The following PPP3R1 variants were observed in gnomAD, a reference collection of about 807,000 sequenced individuals.
PPP3R1 encodes protein phosphatase 3 regulatory subunit B, alpha.
Under a neutral mutation model 22.6 loss-of-function variants are expected in PPP3R1, and 5 were observed. The observed-to-expected ratio is 0.22, with a 90% CI of 0.12 to 0.46. The LOEUF is 0.46. PPP3R1 is among the 20% of genes least tolerant of loss of function. The pLI is 0.99. For synonymous variants in PPP3R1, 56 were observed against 65.2 expected (o/e 0.86, Z 0.68); for missense variants, 61 against 203.2 (o/e 0.30, Z 4.25).
intron 2 of PPP3R1, among the ~76,000 whole-genome samples, chr2:68,191,361 TGTATCTGAAC>T (rs1343450368): frequency 6.6e-6 from 1 of 152,206 alleles, no homozygotes; most frequent in Admixed American, 6.5e-5. Flanking sequence ...TAAATATCTG[TGTATCTGAAC>T]ATATCTAAAC....
chr2:68,243,850 A>C (rs1266089289), intron 1 of PPP3R1, among the ~76,000 whole-genome samples: 3 of 152,104 alleles, frequency 2.0e-5, no homozygotes, highest in African/African-American at 4.8e-5. Context: ...TTTTACGATC[A>C]ATCTTTTTAA....
chr2:68,232,829 A>T (rs1426948437), intron 1 of PPP3R1, among the ~76,000 whole-genome samples: 3 of 152,122 alleles, frequency 2.0e-5, no homozygotes. Context: ...CTGGTCTCCA[A>T]CACTTGATCT....
chr2:68,252,508 G>C lies in PPP3R1; in HGVS notation c.-381C>G. 3 of 961,676 alleles carry C rather than the reference G, an allele frequency of 3.1e-6. No individual in the cohort carries two copies. Among genetic ancestry groups the C allele is most frequent in the Non-Finnish European group, 2.4e-6 (2 of 824,630 alleles). The allele number at this position is 961,676 out of a possible 1,614,324, so 59.6% of individuals were successfully genotyped here. A position where few individuals can be genotyped will look rare whatever the true frequency, so the allele number is the denominator to read the frequency against. On this transcript the variant is annotated 5_prime_UTR_variant, in exon 1 of 6. Transcript: ENST00000234310. ...CGTGACGGACTCACTGCAGCGGCTC[G>C]CGCTGACCCGCAACCTCAAGGCACG...
intron 2 of PPP3R1, among the ~76,000 whole-genome samples, chr2:68,206,417 G>A (rs1675126177): frequency 6.6e-6 from 1 of 151,924 alleles, no homozygotes; most frequent in African/African-American, 2.4e-5. Flanking sequence ...GAGGGGGGAG[G>A]CCAACACTTA....
intron 1 of PPP3R1, among the ~76,000 whole-genome samples, chr2:68,220,086 T>C (rs1481093160): frequency 1.3e-5 from 2 of 152,174 alleles, no homozygotes; most frequent in Non-Finnish European, 2.9e-5. Flanking sequence ...TTTTCTGTGA[T>C]CATCTATATA....
chr2:68,237,819 C>T (rs1670045979), intron 1 of PPP3R1, among the ~76,000 whole-genome samples: 1 of 152,020 alleles, frequency 6.6e-6, no homozygotes, highest in South Asian at 2.1e-4. Context: ...TAGACTTGCA[C>T]TAACACTTTA....
chr2:68,192,031 G>A (rs1439561796), intron 2 of PPP3R1, among the ~76,000 whole-genome samples: 2 of 152,020 alleles, frequency 1.3e-5, no homozygotes, highest in African/African-American at 4.8e-5. Context: ...CTTAATTATG[G>A]TTTTAATAAT....
At chr2:68,188,777 A>T (rs938044139) in intron 2 of PPP3R1, 87 bp from the exon 3 acceptor site, 10 of 1,239,918 alleles carry the variant, frequency 8.1e-6, no homozygotes, top group East Asian at 5.2e-5. Flanking sequence ...TTTAAAAAAA[A>T]TTTTAATAGT....
intron 2 of PPP3R1, among the ~76,000 whole-genome samples, chr2:68,192,672 G>A (rs1438445433): frequency 6.6e-6 from 1 of 152,086 alleles, no homozygotes; most frequent in Non-Finnish European, 1.5e-5. Flanking sequence ...ATAAATATAT[G>A]TGGTTCAATC....
At chr2:68,246,188 C>T (rs767537565) in intron 1 of PPP3R1, among the ~76,000 whole-genome samples, 1 of 149,790 alleles carries the variant, frequency 6.7e-6, no homozygotes, top group Non-Finnish European at 1.5e-5. Flanking sequence ...GATTCTCCTG[C>T]CTCAGCCTCC....
intron 2 of PPP3R1, among the ~76,000 whole-genome samples, chr2:68,198,462 C>T (rs1290665503): frequency 1.3e-5 from 2 of 148,344 alleles, no homozygotes; most frequent in African/African-American, 4.9e-5. Context: ...TACATATATA[C>T]GTATATATGC....
chr2:68,245,742 C>T (rs891386656), intron 1 of PPP3R1, among the ~76,000 whole-genome samples: 3 of 152,212 alleles, frequency 2.0e-5, no homozygotes, highest in Admixed American at 2.0e-4. Flanking sequence ...TTCCAAGTCA[C>T]CCAGCATCTT....
intron 1 of PPP3R1, among the ~76,000 whole-genome samples, chr2:68,225,612 GA>G: frequency 6.6e-6 from 1 of 152,344 alleles, no homozygotes. Context: ...GCAGAACTAT[GA>G]AATAATAAAT....
chr2:68,227,254 G>GT (rs1362052127), intron 1 of PPP3R1, among the ~76,000 whole-genome samples: 4 of 151,864 alleles, frequency 2.6e-5, no homozygotes, highest in Admixed American at 1.3e-4. Flanking sequence ...ACTGACAATC[G>GT]TAATAGAATA....
At chr2:68,203,232 T>C (rs745357309) in intron 2 of PPP3R1, among the ~76,000 whole-genome samples, 19 of 152,202 alleles carry the variant, frequency 1.2e-4, no homozygotes, top group Non-Finnish European at 1.3e-4. Flanking sequence ...ATAATAAATT[T>C]ATGAAGATGT....
intron 2 of PPP3R1, among the ~76,000 whole-genome samples, chr2:68,207,116 A>AC (rs2103755275): frequency 6.6e-6 from 1 of 150,686 alleles, no homozygotes; most frequent in South Asian, 2.1e-4. Flanking sequence ...AAAAAAAGCA[A>AC]AAAAAAAAAA....
intron 2 of PPP3R1, among the ~76,000 whole-genome samples, chr2:68,215,331 C>A (rs939638642): frequency 6.6e-6 from 1 of 152,014 alleles, no homozygotes; most frequent in African/African-American, 2.4e-5. Flanking sequence ...AAACCCCCCC[C>A]AAAATTCAAA....
chr2:68,219,711 G>A (rs935161840), intron 1 of PPP3R1, among the ~76,000 whole-genome samples: 19 of 152,264 alleles, frequency 1.2e-4, no homozygotes, highest in African/African-American at 4.6e-4. Flanking sequence ...TAGATACTGT[G>A]AGAGACATAC....
In PPP3R1 at chr2:68,201,409, CT is replaced by C. The variant is rs1229057914; in HGVS notation, c.44-12720del. Among the ~76,000 whole-genome samples the C allele has an allele frequency of 3.3e-5, 5 of 151,962 alleles. No homozygotes were observed. In the East Asian group the frequency reaches 9.6e-4, roughly 29 times the overall value. ...AATGTCATACTGCATCCCCCAGTTT[CT>C]TTTTTTTCTCTCGTTGACTTTTATC... On this transcript the variant is annotated intron_variant, in intron 2 of 5. Coordinates refer to ENST00000234310, the MANE Select transcript of PPP3R1 (RefSeq NM_000945.4).
Sources: gnomAD v4.1 joint callset for allele counts (sites outside exome capture counted in the v4.1 genomes callset) on GRCh38, gnomAD v4.1.1 for gene constraint, MANE v1.5 for transcripts, NCBI Gene and HGNC (gene_info 2026-07-23, HGNC 2026-07-21) for gene names.